The following LRRK1 variants were observed in gnomAD, a reference collection of about 807,000 sequenced individuals.
The protein encoded by LRRK1 is leucine rich repeat kinase 1.
A neutral mutation model predicts 209.1 loss-of-function variants in LRRK1; 113 were observed. The observed-to-expected ratio is 0.54, with a 90% CI of 0.46 to 0.63. LRRK1 has a LOEUF of 0.63. LRRK1 is among the 30% of genes least tolerant of loss of function. The pLI is 0.00. For missense variants in LRRK1, 2,284 were observed against 2,632.2 expected (o/e 0.87, Z 2.89); for synonymous variants, 1,144 against 1,099.7 (o/e 1.04, Z -0.80).
chr15:101,005,902 A>G (rs913367392), intron 6 of LRRK1, among the ~76,000 whole-genome samples: 1 of 152,268 alleles, frequency 6.6e-6, no homozygotes. Context: ...ACATGTAGAA[A>G]GAAAGGTAGC....
chr15:101,011,967 A>G lies in LRRK1; in HGVS notation c.1282-41A>G, dbSNP rs768096057. ...CTCAAAGGCACCACTGCATTTAAAGAGCTAACTAATATACATTTTTTTTTC... is the reference window on the plus strand; with the variant it reads ...CTCAAAGGCACCACTGCATTTAAAGGGCTAACTAATATACATTTTTTTTTC... On this transcript the variant is annotated intron_variant, in intron 9 of 33. Coordinates refer to ENST00000388948, the MANE Select transcript of LRRK1 (RefSeq NM_024652.6). 27 of 1,469,672 alleles carry G rather than the reference A, an allele frequency of 1.8e-5. No individual in the cohort carries two copies. The South Asian group carries it at 3.4e-4, about 18-fold the overall frequency. The allele number at this position is 1,469,672 out of a possible 1,614,324, so 91.0% of individuals were successfully genotyped here.
At chr15:101,052,429 G>A (rs146026606) in intron 24 of LRRK1, among the ~76,000 whole-genome samples, 135 of 104,776 alleles carry the variant, frequency 1.3e-3, no homozygotes, top group African/African-American at 5.6e-3. Flanking sequence ...TAGCCCTAGC[G>A]CTGAGCTCCC....
intron 6 of LRRK1, among the ~76,000 whole-genome samples, chr15:100,995,562 C>A (rs1211983808): frequency 6.6e-6 from 1 of 152,208 alleles, no homozygotes; most frequent in East Asian, 1.9e-4. Flanking sequence ...GCCTGAACAT[C>A]TAATGAGACG....
intron 1 of LRRK1, among the ~76,000 whole-genome samples, chr15:100,923,853 T>C (rs2042061621): frequency 6.6e-6 from 1 of 152,228 alleles, no homozygotes. Flanking sequence ...CCCAGCCAAG[T>C]TGTGGCAACC....
In LRRK1 at chr15:101,032,751, G is replaced by GA. The variant is rs1430314999; in HGVS notation, c.2963+3522dup. Among the ~76,000 whole-genome samples, 5 of 152,102 alleles carry GA rather than the reference G, an allele frequency of 3.3e-5. No individual in the cohort carries two copies. The East Asian group carries it at 9.6e-4, about 29-fold the overall frequency. The stretch of plus-strand genomic sequence containing the variant: ...CCCATTGTTCCAGAACCATTTGTTG[G>GA]AAAGACTTTCCTTTCCCCATGGAAT... On this transcript the variant is annotated intron_variant, in intron 20 of 33. Coordinates refer to ENST00000388948, the MANE Select transcript of LRRK1 (RefSeq NM_024652.6).
chr15:101,053,110 G>A, intron 25 of LRRK1, 22 bp downstream of exon 25: 1 of 1,597,842 alleles, frequency 6.3e-7, no homozygotes. Flanking sequence ...CCAGGTTGGT[G>A]CTGTTTTTCT....
chr15:100,930,011 G>A (rs1240578002), intron 2 of LRRK1, among the ~76,000 whole-genome samples: 3 of 152,214 alleles, frequency 2.0e-5, no homozygotes, highest in African/African-American at 2.4e-5. Context: ...TTGAACATTC[G>A]TTTTAACCTG....
chr15:101,045,094 C>T (rs954947676), intron 20 of LRRK1, among the ~76,000 whole-genome samples: 5 of 152,192 alleles, frequency 3.3e-5, no homozygotes, highest in African/African-American at 7.2e-5. Flanking sequence ...TGTGTCAGAG[C>T]GTGTAAGTGA....
intron 2 of LRRK1, among the ~76,000 whole-genome samples, chr15:100,925,939 G>C (rs553276609): frequency 2.0e-5 from 3 of 152,328 alleles, no homozygotes; most frequent in African/African-American, 7.2e-5. Flanking sequence ...GGTTGGGTCT[G>C]AGAGGCCCAC....
At position 101,012,152 on chromosome 15, in the gene LRRK1, C is replaced by G; in HGVS notation, c.1419+7C>G. 1 of 1,587,574 alleles carries G rather than the reference C, an allele frequency of 6.3e-7. No individual in the cohort carries two copies. The highest frequency in any genetic ancestry group is 8.5e-7 in the Non-Finnish European group (1 of 1,170,920). ...GGGACTTTTCCAGCTTGATGTAAGC[C>G]TAATAGCCCTTTCTTTCTCATTTTC... On this transcript the variant is annotated splice_region_variant and intron_variant, in intron 10 of 33. Transcript: ENST00000388948.
At chr15:100,931,626 C>G (rs1191108726) in intron 2 of LRRK1, among the ~76,000 whole-genome samples, 1 of 152,138 alleles carries the variant, frequency 6.6e-6, no homozygotes, top group Non-Finnish European at 1.5e-5. Context: ...TTCAGGGCCT[C>G]GATCTGCTGG....
chr15:101,036,468 A>C lies in LRRK1; in HGVS notation c.2963+7236A>C, dbSNP rs147776665. ...CATTTGGTTTTTTTTAAATGATATT[A>C]ATATCTATCTCTTTGGTAAATTTAT... On this transcript the variant is annotated intron_variant, in intron 20 of 33. Coordinates refer to ENST00000388948, the MANE Select transcript of LRRK1 (RefSeq NM_024652.6). 3.8e-3 allele frequency among the ~76,000 whole-genome samples: 579 copies of C among 152,222 alleles called. 6 individuals carry two copies. The highest frequency in any genetic ancestry group is 0.013 in the African/African-American group (555 of 41,536).
rs2033915582 is a variant in LRRK1 at position 101,024,117 on chromosome 15, T to C, written c.2068-686T>C. 6.6e-6 allele frequency among the ~76,000 whole-genome samples: 1 copy of C among 152,136 alleles called. No individual in the cohort carries two copies. Among genetic ancestry groups the C allele is most frequent in the African/African-American group, 2.4e-5 (1 of 41,420 alleles). ...ATCCTGTGAAGGCTGAGCCCGCCGCTCTCTCTGTGGCCGGCCTCAGCCAGT... is the reference window on the plus strand; with the variant it reads ...ATCCTGTGAAGGCTGAGCCCGCCGCCCTCTCTGTGGCCGGCCTCAGCCAGT... On this transcript the variant is annotated intron_variant, in intron 15 of 33. Transcript: ENST00000388948. The surrounding 1 kb of genome is among the most constrained non-coding windows in gnomAD (Gnocchi z 4.6).
chr15:100,925,749 T>C (rs987124239), intron 2 of LRRK1, among the ~76,000 whole-genome samples: 16 of 152,236 alleles, frequency 1.1e-4, no homozygotes, highest in African/African-American at 3.9e-4. Flanking sequence ...CACGACAACC[T>C]GGCACATGGT....
At chr15:100,931,995 T>C (rs1221657756) in intron 2 of LRRK1, among the ~76,000 whole-genome samples, 1 of 152,006 alleles carries the variant, frequency 6.6e-6, no homozygotes, top group Non-Finnish European at 1.5e-5. Flanking sequence ...TGTTTGTTTG[T>C]TTGTTTTGAG....
intron 2 of LRRK1, among the ~76,000 whole-genome samples, chr15:100,954,874 A>G (rs975420670): frequency 4.6e-5 from 7 of 152,378 alleles, no homozygotes; most frequent in Admixed American, 3.9e-4. Context: ...CACATAGACC[A>G]ATGCATACAA....
chr15:101,036,917 G>T (rs1454116747), intron 20 of LRRK1, among the ~76,000 whole-genome samples: 1 of 152,240 alleles, frequency 6.6e-6, no homozygotes, highest in Admixed American at 6.5e-5. Flanking sequence ...AATTTAGGGT[G>T]CAGTTGTTAG....
intron 12 of LRRK1, among the ~76,000 whole-genome samples, chr15:101,020,774 A>G (rs984954775): frequency 6.6e-6 from 1 of 152,072 alleles, no homozygotes; most frequent in Non-Finnish European, 1.5e-5. Flanking sequence ...TTATTCTATT[A>G]CTCATTGAAC....
chr15:101,062,367 T>C (rs1020166480), intron 30 of LRRK1: 3 of 494,964 alleles, frequency 6.1e-6, no homozygotes, highest in Non-Finnish European at 1.1e-5. Context: ...GGCTATTTTC[T>C]GTTTCCTCTT....
Sources: allele counts gnomAD v4.1 joint callset (sites outside exome capture counted in the v4.1 genomes callset), GRCh38; gene constraint gnomAD v4.1.1; non-coding constraint Gnocchi (gnomAD v3.1); transcripts MANE v1.5; gene names NCBI Gene and HGNC (gene_info 2026-07-23, HGNC 2026-07-21).